The following GXYLT1 variants were observed in gnomAD, a reference collection of about 807,000 sequenced individuals.
GXYLT1 encodes the protein glycosyltransferase 8 domain containing 3.
GXYLT1 carries 29 observed loss-of-function variants against 54.0 expected under a neutral mutation model. The ratio of observed to expected loss-of-function variants is 0.54; its 90% CI spans 0.40 to 0.73. GXYLT1 has a LOEUF of 0.73. Among genes scored for constraint, GXYLT1 ranks in the 30% least tolerant of loss-of-function variants. The pLI, the probability that GXYLT1 is intolerant of heterozygous loss-of-function variation, is 0.00. For synonymous variants in GXYLT1, 176 were observed against 204.1 expected (o/e 0.86, Z 1.17); for missense variants, 490 against 553.4 (o/e 0.89, Z 1.15).
At chr12:42,094,224 T>C (rs2136876305) in intron 7 of GXYLT1, among the ~76,000 whole-genome samples, 2 of 151,940 alleles carry the variant, frequency 1.3e-5, no homozygotes, top group African/African-American at 4.8e-5. Context: ...CCTGGTGACA[T>C]GCACCTGTAG....
At chr12:42,143,191 A>G (rs2136925329) in intron 1 of GXYLT1, among the ~76,000 whole-genome samples, 1 of 152,292 alleles carries the variant, frequency 6.6e-6, no homozygotes, top group South Asian at 2.1e-4. Flanking sequence ...GCTTCCTTAC[A>G]ATTCTACCCC....
intron 5 of GXYLT1, among the ~76,000 whole-genome samples, chr12:42,100,021 C>T (rs1231976194): frequency 1.3e-5 from 2 of 151,932 alleles, no homozygotes; most frequent in Non-Finnish European, 1.5e-5. Flanking sequence ...AAAAAAGATA[C>T]TGAATTTAGT....
chr12:42,123,828 C>T (rs1210782365), intron 2 of GXYLT1, among the ~76,000 whole-genome samples: 1 of 151,756 alleles, frequency 6.6e-6, no homozygotes, highest in Non-Finnish European at 1.5e-5. Flanking sequence ...TCTTTAAAAA[C>T]TTGCAGTTGA....
chr12:42,127,395 C>T (rs1439200878), intron 2 of GXYLT1, among the ~76,000 whole-genome samples: 8 of 151,890 alleles, frequency 5.3e-5, no homozygotes, highest in African/African-American at 1.5e-4. Flanking sequence ...TGCAATATTA[C>T]GGGTAGAAAG....
chr12:42,096,763 A>G (rs1197452710), intron 7 of GXYLT1, among the ~76,000 whole-genome samples: 3 of 152,200 alleles, frequency 2.0e-5, no homozygotes, highest in African/African-American at 7.2e-5. Flanking sequence ...TAGGCTGCTT[A>G]TAAGAGGAAA....
intron 7 of GXYLT1, among the ~76,000 whole-genome samples, chr12:42,090,403 T>C (rs2065322943): frequency 6.6e-6 from 1 of 152,232 alleles, no homozygotes; most frequent in South Asian, 2.1e-4. Context: ...CTATATACTA[T>C]GCCTGACTTA....
intron 7 of GXYLT1, among the ~76,000 whole-genome samples, chr12:42,092,670 A>G (rs824725): frequency 0.069 from 10,554 of 152,244 alleles, 1,092 homozygotes; most frequent in African/African-American, 0.22. Context: ...AAATGCTTAA[A>G]AGACAAAACT....
chr12:42,093,841 G>A (rs1193153077), intron 7 of GXYLT1, among the ~76,000 whole-genome samples: 1 of 152,070 alleles, frequency 6.6e-6, no homozygotes, highest in Non-Finnish European at 1.5e-5. Context: ...CCCAGCCAAA[G>A]ATAGATTCTT....
intron 1 of GXYLT1, among the ~76,000 whole-genome samples, chr12:42,135,795 G>A (rs1271149740): frequency 2.0e-5 from 3 of 152,208 alleles, no homozygotes; most frequent in African/African-American, 7.2e-5. Context: ...CTGGGGGACT[G>A]AGGAGTGCAA....
At chr12:42,107,672 T>C (rs945056209) in intron 4 of GXYLT1, among the ~76,000 whole-genome samples, 12 of 151,450 alleles carry the variant, frequency 7.9e-5, no homozygotes, top group East Asian at 1.9e-4. Flanking sequence ...GACTAGGCAA[T>C]AGAGCAAGAC....
In GXYLT1 at chr12:42,109,002, G is replaced by GA. The variant is rs961586579; in HGVS notation, c.612+563dup. Among the ~76,000 whole-genome samples the GA allele has an allele frequency of 3.5e-3, 531 of 150,592 alleles. 2 individuals carry two copies. The highest frequency in any genetic ancestry group is 0.015 in the South Asian group (70 of 4,784). ...CTTCAGAACATTTGTATATAAAAAAGAAAAAAAAATCAAGGTTTATCATAG... is the reference window on the plus strand; with the variant it reads ...CTTCAGAACATTTGTATATAAAAAAGAAAAAAAAAATCAAGGTTTATCATAG... On this transcript the variant is annotated intron_variant, in intron 4 of 7. Transcript: ENST00000398675.
In GXYLT1 at chr12:42,119,249, T is replaced by C. The variant is rs2065516341; in HGVS notation, c.315-78A>G. ...GTGTACTTTCATCATGCTCAAAAAGTGAAGCTCAAAGCCAGATGTTGTGAC... is the reference window on the plus strand; with the variant it reads ...GTGTACTTTCATCATGCTCAAAAAGCGAAGCTCAAAGCCAGATGTTGTGAC... On this transcript the variant is annotated intron_variant, in intron 2 of 7. Coordinates refer to ENST00000398675, the MANE Select transcript of GXYLT1 (RefSeq NM_173601.2). 5 of 1,244,786 alleles carry C rather than the reference T, an allele frequency of 4.0e-6. No homozygotes were observed. In the South Asian group the frequency reaches 6.9e-5, roughly 17 times the overall value. 77.1% of individuals were successfully genotyped at this position (1,244,786 alleles called of 1,614,324 possible). A position where few individuals can be genotyped will look rare whatever the true frequency, so the allele number is the denominator to read the frequency against.
chr12:42,115,754 T>G (rs1445692298), intron 3 of GXYLT1, among the ~76,000 whole-genome samples: 6 of 151,916 alleles, frequency 3.9e-5, no homozygotes, highest in Middle Eastern at 3.2e-3. Flanking sequence ...TACCAATGAC[T>G]TTCTTCACAG....
At chr12:42,121,584 C>A (rs1402311534) in intron 2 of GXYLT1, among the ~76,000 whole-genome samples, 1 of 151,838 alleles carries the variant, frequency 6.6e-6, no homozygotes, top group Non-Finnish European at 1.5e-5. Context: ...GAGCTGTGAG[C>A]ATGCCACACT....
At chr12:42,114,186 T>C (rs989769663) in intron 3 of GXYLT1, among the ~76,000 whole-genome samples, 7 of 152,124 alleles carry the variant, frequency 4.6e-5, no homozygotes, top group Non-Finnish European at 7.4e-5. Flanking sequence ...AGGAAAGGTC[T>C]AAAATTGACA....
intron 2 of GXYLT1, among the ~76,000 whole-genome samples, chr12:42,121,482 C>T (rs950509992): frequency 6.6e-6 from 1 of 151,968 alleles, no homozygotes. Flanking sequence ...CACAAAAAAA[C>T]TAGCTGGGTG....
chr12:42,109,566 C>T lies in GXYLT1; in HGVS notation c.612G>A (p.Pro204=), dbSNP rs532923494. 67 of 1,478,606 alleles carry T rather than the reference C, an allele frequency of 4.5e-5. No individual in the cohort carries two copies. Among genetic ancestry groups the T allele is most frequent in the African/African-American group, 5.9e-5 (4 of 67,812 alleles). The allele number at this position is 1,478,606 out of a possible 1,614,324, so 91.6% of individuals were successfully genotyped here. A position where few individuals can be genotyped will look rare whatever the true frequency, so the allele number is the denominator to read the frequency against. The stretch of plus-strand genomic sequence containing the variant: ...AAAGACACTAGGGGAAAAAACTTAC[C>T]GGCAAGAACAATCTCTGCGAAGCAC... ...KPCASQRLFL[P]LILKEVDSLL... Residue 204 remains proline, a splice_region_variant and synonymous_variant, in exon 4 of 8, where the codon CCG becomes CCA. Coordinates refer to ENST00000398675, the MANE Select transcript of GXYLT1 (RefSeq NM_173601.2).
chr12:42,094,867 T>C (rs192988624), intron 7 of GXYLT1, among the ~76,000 whole-genome samples: 442 of 152,276 alleles, frequency 2.9e-3, no homozygotes, highest in Non-Finnish European at 4.6e-3. Context: ...GTAATAATGA[T>C]GGTTGTACAA....
rs2065303035 is a variant in GXYLT1, at chr12:42,087,598, A to G, written c.*188T>C. Reference sequence around the variant, plus strand: ...AAACATCAGAGATAAAAAATGTTCAATGTTGAGGCCCAAGATTTTAACTTA... The same window carrying G: ...AAACATCAGAGATAAAAAATGTTCAGTGTTGAGGCCCAAGATTTTAACTTA... On this transcript the variant is annotated 3_prime_UTR_variant, in exon 8 of 8. Transcript: ENST00000398675. 7.8e-6 allele frequency: 4 copies of G among 514,720 alleles called. No homozygotes were observed. The highest frequency in any genetic ancestry group is 1.4e-5 in the Non-Finnish European group (4 of 294,586). 31.9% of individuals were successfully genotyped at this position (514,720 alleles called of 1,614,324 possible).
Sources: gnomAD v4.1 joint callset for allele counts (sites outside exome capture counted in the v4.1 genomes callset) on GRCh38, gnomAD v4.1.1 for gene constraint, MANE v1.5 for transcripts, NCBI Gene and HGNC (gene_info 2026-07-23, HGNC 2026-07-21) for gene names.